Variants in TACC2 observed in about 807,000 individuals in gnomAD.
TACC2 encodes the protein transforming acidic coiled-coil-containing protein 2.
A neutral mutation model predicts 227.3 loss-of-function variants in TACC2; 137 were observed. The observed-to-expected ratio is 0.60, with a 90% CI of 0.52 to 0.69. TACC2 has a LOEUF of 0.69. TACC2 is among the 30% of genes least tolerant of loss of function. The probability of loss-of-function intolerance (pLI) is 0.00; values close to 1 mark genes in which losing one functional copy is unlikely to be tolerated. For synonymous variants in TACC2, 1,523 were observed against 1,487.5 expected (o/e 1.02, Z -0.55); for missense variants, 3,470 against 3,694.4 (o/e 0.94, Z 1.57).
chr10:122,029,379 A>G (rs1215838251), intron 2 of TACC2, among the ~76,000 whole-genome samples: 1 of 152,112 alleles, frequency 6.6e-6, no homozygotes, highest in Middle Eastern at 3.2e-3. Flanking sequence ...AATTATTTTT[A>G]CACATTGTTG....
intron 1 of TACC2, among the ~76,000 whole-genome samples, chr10:122,018,886 G>A (rs1373545419): frequency 6.6e-6 from 1 of 152,202 alleles, no homozygotes. Context: ...GAGCTCCTAA[G>A]GGTCCTCTGA....
chr10:122,164,081 T>C (rs758479646), intron 7 of TACC2: 140 of 1,469,724 alleles, frequency 9.5e-5, no homozygotes, highest in Non-Finnish European at 1.3e-4. Context: ...CTAATGCCTG[T>C]GCAACCTGGA....
intron 2 of TACC2, among the ~76,000 whole-genome samples, chr10:122,025,416 A>T (rs1157703651): frequency 6.6e-6 from 1 of 150,828 alleles, no homozygotes; most frequent in Non-Finnish European, 1.5e-5. Flanking sequence ...GCATGCCACC[A>T]TGCTTGGCTA....
chr10:122,033,014 C>A (rs901340374), intron 2 of TACC2: 22 of 784,994 alleles, frequency 2.8e-5, no homozygotes, highest in East Asian at 2.6e-4. Context: ...ACAAAAAAAC[C>A]CCACAAAAAC....
chr10:122,104,989 A>C (rs1285484912), intron 5 of TACC2, among the ~76,000 whole-genome samples: 1 of 152,222 alleles, frequency 6.6e-6, no homozygotes, highest in Admixed American at 6.5e-5. Context: ...AGTGCTTTGC[A>C]CAGGGCCAGG....
At chr10:122,231,672 G>A (rs1298779239) in intron 16 of TACC2, among the ~76,000 whole-genome samples, 4 of 152,184 alleles carry the variant, frequency 2.6e-5, no homozygotes, top group Non-Finnish European at 4.4e-5. Context: ...CTAGAACTCA[G>A]GTCTCCAAGT....
rs1953036198 is a variant in TACC2, at chr10:121,991,775, C to T, written c.-46+2287C>T. ...TATCTCAAAGCCATTTGCATTAGTCCATTTTCATGCTGCCGATAAAGACAT... is the reference window on the plus strand; with the variant it reads ...TATCTCAAAGCCATTTGCATTAGTCTATTTTCATGCTGCCGATAAAGACAT... On this transcript the variant is annotated intron_variant, in intron 1 of 22. Transcript: ENST00000369005. Among the ~76,000 whole-genome samples the T allele has an allele frequency of 2.6e-5, 4 of 152,190 alleles. No individual in the cohort carries two copies. In the South Asian group the frequency reaches 8.3e-4, roughly 32 times the overall value.
intron 19 of TACC2, chr10:122,247,292 G>C (rs1589948075): frequency 6.6e-6 from 1 of 152,228 alleles, no homozygotes; most frequent in African/African-American, 2.4e-5. Context: ...GATGTGATCT[G>C]TCTATGGCAG....
intron 2 of TACC2, among the ~76,000 whole-genome samples, chr10:122,038,485 G>A (rs1411007203): frequency 6.6e-6 from 1 of 152,172 alleles, no homozygotes; most frequent in Non-Finnish European, 1.5e-5. Context: ...GGGACCACTG[G>A]ACTCACTTCA....
chr10:122,097,866 G>A (rs2081636266), intron 5 of TACC2, among the ~76,000 whole-genome samples: 1 of 152,094 alleles, frequency 6.6e-6, no homozygotes, highest in Non-Finnish European at 1.5e-5. Context: ...GGGCTTCTGG[G>A]CAACTCCATC....
chr10:122,154,612 A>G (rs1653308360), intron 7 of TACC2, among the ~76,000 whole-genome samples: 2 of 152,234 alleles, frequency 1.3e-5, no homozygotes, highest in South Asian at 2.1e-4. Flanking sequence ...CTTCCCATGT[A>G]CACATCAACT....
At chr10:122,045,731 C>T (rs1020253807) in intron 2 of TACC2, among the ~76,000 whole-genome samples, 2 of 152,152 alleles carry the variant, frequency 1.3e-5, no homozygotes, top group South Asian at 2.1e-4. Context: ...GTATAGCTCA[C>T]GGGGATTTTA....
At chr10:122,218,360 C>T (rs1253562769) in intron 11 of TACC2, among the ~76,000 whole-genome samples, 1 of 152,138 alleles carries the variant, frequency 6.6e-6, no homozygotes, top group Non-Finnish European at 1.5e-5. Context: ...AAACGGCTTC[C>T]TCCCTGTCTG....
At chr10:122,098,985 G>C (rs944557324) in intron 5 of TACC2, among the ~76,000 whole-genome samples, 3 of 152,190 alleles carry the variant, frequency 2.0e-5, no homozygotes, top group Non-Finnish European at 2.9e-5. Flanking sequence ...TTAACCTCTT[G>C]CCAGGAGCGG....
intron 5 of TACC2, among the ~76,000 whole-genome samples, chr10:122,090,633 G>A (rs1469269295): frequency 2.0e-5 from 3 of 151,020 alleles, no homozygotes; most frequent in Non-Finnish European, 2.9e-5. Flanking sequence ...TTATTATTGC[G>A]TATTTTAGTA....
chr10:122,219,091 G>A (rs1018701663), intron 11 of TACC2, among the ~76,000 whole-genome samples: 1 of 151,198 alleles, frequency 6.6e-6, no homozygotes, highest in Non-Finnish European at 1.5e-5. Context: ...TCTGGCCTCA[G>A]CCTCCTTTGG....
chr10:122,222,468 G>GA (rs1261992562), intron 11 of TACC2, among the ~76,000 whole-genome samples: 17 of 152,356 alleles, frequency 1.1e-4, no homozygotes, highest in African/African-American at 4.1e-4. Flanking sequence ...AGGAGTGCGG[G>GA]CCTTCTGAAA....
At chr10:122,232,576 G>C (rs961162577) in intron 16 of TACC2, among the ~76,000 whole-genome samples, 1 of 152,214 alleles carries the variant, frequency 6.6e-6, no homozygotes, top group African/African-American at 2.4e-5. Flanking sequence ...GCTCAAAGGA[G>C]TATTCTGTGA....
intron 5 of TACC2, chr10:122,088,887 G>A (rs1264368533): frequency 2.6e-6 from 2 of 762,106 alleles, no homozygotes; most frequent in South Asian, 1.9e-5. Context: ...TTGGGAGGTC[G>A]AGGCAGGAAG....
Sources: gnomAD v4.1 joint callset for allele counts (sites outside exome capture counted in the v4.1 genomes callset) on GRCh38, gnomAD v4.1.1 for gene constraint, MANE v1.5 for transcripts, NCBI Gene and HGNC (gene_info 2026-07-23, HGNC 2026-07-21) for gene names.